The following MLLT3 variants were observed in gnomAD, a reference collection of about 807,000 sequenced individuals.
The protein encoded by MLLT3 is protein AF-9.
MLLT3 carries 4 observed loss-of-function variants against 53.2 expected under a neutral mutation model. The ratio of observed to expected loss-of-function variants is 0.08; its 90% CI spans 0.04 to 0.17. The LOEUF is 0.17. MLLT3 is among the 10% of genes least tolerant of loss of function. The pLI is 1.00. For synonymous variants in MLLT3, 283 were observed against 230.6 expected (o/e 1.23, Z -2.06); for missense variants, 569 against 684.0 (o/e 0.83, Z 1.87).
At chr9:20,369,535 T>G (rs191609180) in intron 5 of MLLT3, among the ~76,000 whole-genome samples, 23 of 152,324 alleles carry the variant, frequency 1.5e-4, no homozygotes, top group African/African-American at 5.5e-4. Flanking sequence ...GGAGACACCT[T>G]AAACTAACTT....
intron 2 of MLLT3, among the ~76,000 whole-genome samples, chr9:20,500,600 G>A (rs886067799): frequency 6.6e-6 from 1 of 152,160 alleles, no homozygotes; most frequent in African/African-American, 2.4e-5. Flanking sequence ...TCTCCCTGGG[G>A]CATCAAGAAC....
At chr9:20,395,073 T>C (rs556833306) in intron 5 of MLLT3, among the ~76,000 whole-genome samples, 2 of 152,228 alleles carry the variant, frequency 1.3e-5, no homozygotes, top group South Asian at 2.1e-4. Flanking sequence ...AACTAAACCA[T>C]AGCGTCTCCC....
At chr9:20,519,455 A>G (rs912561660) in intron 2 of MLLT3, among the ~76,000 whole-genome samples, 2 of 152,224 alleles carry the variant, frequency 1.3e-5, no homozygotes, top group African/African-American at 4.8e-5. Flanking sequence ...GCATGTCATT[A>G]TATTAGGCCA....
chr9:20,347,811 C>T (rs1820915329), intron 10 of MLLT3, among the ~76,000 whole-genome samples: 1 of 152,102 alleles, frequency 6.6e-6, no homozygotes, highest in South Asian at 2.1e-4. Context: ...GGTCAATAAT[C>T]TTAAAAAAGA....
intron 2 of MLLT3, among the ~76,000 whole-genome samples, chr9:20,546,980 C>T (rs1374082781): frequency 6.6e-6 from 1 of 152,174 alleles, no homozygotes; most frequent in African/African-American, 2.4e-5. Flanking sequence ...CTGGATTCTT[C>T]CCCGTATATA....
rs372019090 is a variant in MLLT3 at position 20,448,084 on chromosome 9, T to G, written c.420+39A>C. 3.5e-5 allele frequency: 55 copies of G among 1,578,278 alleles called. No individual in the cohort carries two copies. Among genetic ancestry groups the G allele is most frequent in the Admixed American group, 2.5e-4 (13 of 51,590 alleles). On this transcript the variant is annotated intron_variant, in intron 4 of 10. Coordinates refer to ENST00000380338, the MANE Select transcript of MLLT3 (RefSeq NM_004529.4). This position sits in a 1 kb window ranked among gnomAD's most constrained non-coding sequence, Gnocchi z 4.0. ...TGTTTTTTTTTTTGTTGTTGTTGTT[T>G]TTTAATAGGAATGCTTTTCACAAGA...
chr9:20,400,508 A>T lies in MLLT3; in HGVS notation c.1125+13213T>A, dbSNP rs572231757. On this transcript the variant is annotated intron_variant, in intron 5 of 10. Transcript: ENST00000380338. ...ATCATGGTATTTAGTTCTGTTTTTT[A>T]AAAAAGTCCTTATCTTTTAGAGACT... Among the ~76,000 whole-genome samples, 3 of 152,196 alleles carry T rather than the reference A, an allele frequency of 2.0e-5. No homozygotes were observed. In the East Asian group the frequency reaches 5.8e-4, roughly 29 times the overall value.
chr9:20,385,840 A>C (rs1313528916), intron 5 of MLLT3, among the ~76,000 whole-genome samples: 2 of 152,206 alleles, frequency 1.3e-5, no homozygotes. Context: ...TAATGTTCTA[A>C]TCTTAAGACC....
rs568357867 is a variant in MLLT3, at chr9:20,504,368, G to A, written c.194-47582C>T. Among the ~76,000 whole-genome samples the A allele has an allele frequency of 6.6e-5, 10 of 151,996 alleles. No homozygotes were observed. The South Asian group carries it at 2.1e-3, about 32-fold the overall frequency. On this transcript the variant is annotated intron_variant, in intron 2 of 10. Coordinates refer to ENST00000380338, the MANE Select transcript of MLLT3 (RefSeq NM_004529.4). ...AATGGAATTGTGTGTGTGTGTGTGTGTGTGTACAAATATAATTATATTAAA... is the reference window on the plus strand; with the variant it reads ...AATGGAATTGTGTGTGTGTGTGTGTATGTGTACAAATATAATTATATTAAA...
intron 2 of MLLT3, among the ~76,000 whole-genome samples, chr9:20,619,531 C>G (rs188311627): frequency 1.3e-5 from 2 of 152,150 alleles, no homozygotes; most frequent in East Asian, 1.9e-4. Flanking sequence ...CTCTAAGAAA[C>G]GACAGGAGTT....
At chr9:20,500,967 C>A (rs1825207982) in intron 2 of MLLT3, among the ~76,000 whole-genome samples, 1 of 152,118 alleles carries the variant, frequency 6.6e-6, no homozygotes, top group South Asian at 2.1e-4. Context: ...AGTTTCAAAT[C>A]ATTCTTTCAT....
intron 5 of MLLT3, chr9:20,412,009 G>C (rs1822740625): frequency 6.6e-6 from 1 of 152,036 alleles, no homozygotes; most frequent in African/African-American, 2.4e-5. Flanking sequence ...ACTAATTATA[G>C]TTTTCTGATT....
intron 2 of MLLT3, among the ~76,000 whole-genome samples, chr9:20,473,691 T>C (rs1824452147): frequency 6.6e-6 from 1 of 151,870 alleles, no homozygotes; most frequent in Non-Finnish European, 1.5e-5. Flanking sequence ...AACATAGTAA[T>C]CTCATAATGT....
In MLLT3 at chr9:20,545,908, C is replaced by T. The variant is rs564706215; in HGVS notation, c.193+74746G>A. 2.0e-4 allele frequency among the ~76,000 whole-genome samples: 30 copies of T among 149,582 alleles called. No individual in the cohort carries two copies. In the East Asian group the frequency reaches 3.5e-3, roughly 18 times the overall value. On this transcript the variant is annotated intron_variant, in intron 2 of 10. Transcript: ENST00000380338. Reference sequence around the variant, plus strand: ...AAATTAGCATCTCCAGTCCCAGCTACGAGAAAGACTGAGGCAGAAGGATCA... The same window carrying T: ...AAATTAGCATCTCCAGTCCCAGCTATGAGAAAGACTGAGGCAGAAGGATCA...
chr9:20,588,859 G>A (rs1477053977), intron 2 of MLLT3, among the ~76,000 whole-genome samples: 3 of 152,076 alleles, frequency 2.0e-5, no homozygotes, highest in South Asian at 2.1e-4. Context: ...GGCCATCAGA[G>A]AAATGCAAAT....
intron 2 of MLLT3, among the ~76,000 whole-genome samples, chr9:20,464,542 T>C (rs1439681023): frequency 2.0e-5 from 3 of 152,164 alleles, no homozygotes; most frequent in East Asian, 3.9e-4. Flanking sequence ...AATAACAGTA[T>C]AGAATAATAA....
At chr9:20,453,770 C>G (rs1056544500) in intron 3 of MLLT3, among the ~76,000 whole-genome samples, 1 of 152,126 alleles carries the variant, frequency 6.6e-6, no homozygotes, top group Non-Finnish European at 1.5e-5. Context: ...ACTTTTAAGT[C>G]ATCATTTTTT....
chr9:20,351,699 C>T (rs966482592), intron 10 of MLLT3, among the ~76,000 whole-genome samples: 4 of 152,180 alleles, frequency 2.6e-5, no homozygotes, highest in African/African-American at 7.2e-5. Context: ...CTGGGCCCAC[C>T]AGAAATTCTG....
intron 2 of MLLT3, among the ~76,000 whole-genome samples, chr9:20,523,306 T>G (rs996353648): frequency 3.9e-5 from 6 of 152,184 alleles, no homozygotes; most frequent in African/African-American, 1.4e-4. Flanking sequence ...TGGAAGACAT[T>G]TGGCAGTTTC....
Sources: allele counts gnomAD v4.1 joint callset (sites outside exome capture counted in the v4.1 genomes callset), GRCh38; gene constraint gnomAD v4.1.1; non-coding constraint Gnocchi (gnomAD v3.1); transcripts MANE v1.5; gene names NCBI Gene and HGNC (gene_info 2026-07-23, HGNC 2026-07-21).